Variants in MMP16 observed in about 807,000 individuals in gnomAD.
MMP16 encodes the protein matrix metallopeptidase 16.
Under a neutral mutation model 67.8 loss-of-function variants are expected in MMP16, and 12 were observed. The observed-to-expected ratio is 0.18, with a 90% CI of 0.11 to 0.29. MMP16 has a LOEUF of 0.29. MMP16 is among the 10% of genes least tolerant of loss of function. The pLI is 1.00. For synonymous variants in MMP16, 249 were observed against 255.9 expected, an observed-to-expected ratio of 0.97 and a Z score of 0.26; for missense variants, 475 against 765.7, an observed-to-expected ratio of 0.62 and a Z score of 4.48.
chr8:88,051,349 G>A (rs1311000421), intron 8 of MMP16, among the ~76,000 whole-genome samples: 1 of 152,112 alleles, frequency 6.6e-6, no homozygotes, highest in Non-Finnish European at 1.5e-5. Context: ...CATTTGGGGG[G>A]TTTAAAATGT....
chr8:88,291,516 T>C (rs1171291765), intron 1 of MMP16, among the ~76,000 whole-genome samples: 6 of 152,190 alleles, frequency 3.9e-5, no homozygotes, highest in Non-Finnish European at 7.3e-5. Context: ...TTCAGTCTAA[T>C]GATCATTGTT....
At chr8:88,148,840 G>T (rs539939041) in intron 4 of MMP16, among the ~76,000 whole-genome samples, 1 of 152,132 alleles carries the variant, frequency 6.6e-6, no homozygotes, top group Non-Finnish European at 1.5e-5. Context: ...TCAGAAATAC[G>T]TGTATTATGG....
chr8:88,226,866 C>CAAAG (rs33996972), intron 1 of MMP16, among the ~76,000 whole-genome samples: 148,105 of 151,972 alleles, frequency 0.97, 72,284 homozygotes, highest in East Asian at 1. Context: ...AAAGAGTACT[C>CAAAG]AGCCTACACG....
At chr8:88,295,624 A>G (rs895408293) in intron 1 of MMP16, among the ~76,000 whole-genome samples, 2 of 9,226 alleles carry the variant, frequency 2.2e-4, no homozygotes, top group African/African-American at 4.5e-4. Context: ...GGCTGATTTC[A>G]TTAAAGAAAG....
rs547849160 is a variant in MMP16 at position 88,115,345 on chromosome 8, T to G, written c.1083+1162A>C. On this transcript the variant is annotated intron_variant, in intron 6 of 9. Coordinates refer to ENST00000286614, the MANE Select transcript of MMP16 (RefSeq NM_005941.5). ...CAAAAGTAAGATTTTCTTTACTCTT[T>G]GAATCTAAGTTTATTAAACTACTTG... Among the ~76,000 whole-genome samples, 3 of 152,168 alleles carry G rather than the reference T, an allele frequency of 2.0e-5. No individual in the cohort carries two copies. In the South Asian group the frequency reaches 6.2e-4, roughly 32 times the overall value.
At chr8:88,211,514 G>T (rs980216190) in intron 1 of MMP16, among the ~76,000 whole-genome samples, 1 of 152,124 alleles carries the variant, frequency 6.6e-6, no homozygotes, top group Admixed American at 6.6e-5. Flanking sequence ...AGTGTACAAT[G>T]ATAAAGCTCC....
At chr8:88,111,228 G>A (rs1458915689) in intron 6 of MMP16, among the ~76,000 whole-genome samples, 1 of 151,630 alleles carries the variant, frequency 6.6e-6, no homozygotes, top group Non-Finnish European at 1.5e-5. Context: ...CCCACTATAT[G>A]GGGTTACAAG....
At chr8:88,273,613 A>C (rs1810600474) in intron 1 of MMP16, among the ~76,000 whole-genome samples, 1 of 152,198 alleles carries the variant, frequency 6.6e-6, no homozygotes, top group Admixed American at 6.5e-5. Flanking sequence ...TTTGAAATCA[A>C]CTGTCCATTT....
chr8:88,201,764 T>C (rs1296548742), intron 1 of MMP16, among the ~76,000 whole-genome samples: 1 of 152,006 alleles, frequency 6.6e-6, no homozygotes, highest in Non-Finnish European at 1.5e-5. Context: ...CTAAATTTTG[T>C]TACAAAGTAA....
intron 4 of MMP16, among the ~76,000 whole-genome samples, chr8:88,163,940 A>T (rs1235867425): frequency 6.6e-6 from 1 of 152,158 alleles, no homozygotes; most frequent in African/African-American, 2.4e-5. Flanking sequence ...GGTTGTGTAT[A>T]TAGGTGTGTG....
chr8:88,162,861 C>T (rs1005363973), intron 4 of MMP16, among the ~76,000 whole-genome samples: 3 of 152,120 alleles, frequency 2.0e-5, no homozygotes, highest in African/African-American at 4.8e-5. Context: ...GAGGCCTCCC[C>T]AGTCATGTCT....
chr8:88,054,117 G>A (rs1340971710), intron 8 of MMP16, among the ~76,000 whole-genome samples: 4 of 152,044 alleles, frequency 2.6e-5, no homozygotes, highest in Non-Finnish European at 4.4e-5. Context: ...CATTTTAAAT[G>A]TAATCCCTAC....
At chr8:88,098,185 C>CCTT (rs1809062689) in intron 6 of MMP16, among the ~76,000 whole-genome samples, 2 of 151,992 alleles carry the variant, frequency 1.3e-5, no homozygotes. Flanking sequence ...GGGACAGACA[C>CCTT]ATTGGACTAA....
intron 1 of MMP16, among the ~76,000 whole-genome samples, chr8:88,231,917 A>G (rs1586217275): frequency 6.6e-6 from 1 of 152,294 alleles, no homozygotes; most frequent in African/African-American, 2.4e-5. Flanking sequence ...CCCATTCATT[A>G]TCCTATCTAA....
At position 88,169,825 on chromosome 8, in the gene MMP16, G is replaced by C. The variant is rs28907591; in HGVS notation, c.405-1852C>G. ...AGAAAGTTAGAAGGAGACCAAATAAGGTAGGTCCCCGAAGGCCACTCTAAA... is the reference window on the plus strand; with the variant it reads ...AGAAAGTTAGAAGGAGACCAAATAACGTAGGTCCCCGAAGGCCACTCTAAA... On this transcript the variant is annotated intron_variant, in intron 3 of 9. Transcript: ENST00000286614. Among the ~76,000 whole-genome samples, 1,502 of 152,250 alleles carry C rather than the reference G, an allele frequency of 9.9e-3. 20 individuals are homozygous for C. The highest frequency in any genetic ancestry group is 0.033 in the African/African-American group (1,357 of 41,556).
intron 1 of MMP16, among the ~76,000 whole-genome samples, chr8:88,320,114 C>T (rs532081114): frequency 1.3e-5 from 2 of 152,220 alleles, no homozygotes; most frequent in South Asian, 4.2e-4. Flanking sequence ...TTCTTAGGCT[C>T]CTATTTAAAG....
At chr8:88,206,616 G>A (rs1336037788) in intron 1 of MMP16, among the ~76,000 whole-genome samples, 1 of 152,156 alleles carries the variant, frequency 6.6e-6, no homozygotes, top group Non-Finnish European at 1.5e-5. Context: ...GGAATAATTG[G>A]ATACATAATT....
intron 7 of MMP16, among the ~76,000 whole-genome samples, chr8:88,072,988 A>G (rs1266343745): frequency 1.3e-5 from 2 of 152,178 alleles, no homozygotes; most frequent in African/African-American, 4.8e-5. Flanking sequence ...CCGAGGCCAT[A>G]AAGAGCTGTC....
At chr8:88,231,974 T>C (rs958726875) in intron 1 of MMP16, among the ~76,000 whole-genome samples, 5 of 152,192 alleles carry the variant, frequency 3.3e-5, no homozygotes, top group South Asian at 4.1e-4. Flanking sequence ...GTGCTAATGA[T>C]ACTTCCTCCA....
Sources: allele counts gnomAD v4.1 joint callset (sites outside exome capture counted in the v4.1 genomes callset), GRCh38; gene constraint gnomAD v4.1.1; transcripts MANE v1.5; gene names NCBI Gene and HGNC (gene_info 2026-07-23, HGNC 2026-07-21).